FOCAD: variants seen among roughly 807,000 people sequenced by gnomAD.
FOCAD encodes the protein focadhesin.
A neutral mutation model predicts 225.6 loss-of-function variants in FOCAD; 198 were observed. The observed-to-expected ratio is 0.88, with a 90% CI of 0.78 to 0.99. The LOEUF (loss-of-function observed/expected upper bound fraction) is 0.99, where lower values mean the gene tolerates loss of function less well. Among genes scored for constraint, FOCAD ranks in the 50% least tolerant of loss-of-function variants. FOCAD has a pLI of 0.00. For synonymous variants in FOCAD, 897 were observed against 755.0 expected (o/e 1.19, Z -3.08); for missense variants, 2,713 against 2,123.6 (o/e 1.28, Z -5.46).
intron 11 of FOCAD, among the ~76,000 whole-genome samples, chr9:20,800,932 T>C (rs1263540984): frequency 2.0e-5 from 3 of 152,190 alleles, no homozygotes; most frequent in African/African-American, 7.2e-5. Flanking sequence ...CTCTGATTTT[T>C]AGAATTTTCA....
intron 4 of FOCAD, among the ~76,000 whole-genome samples, chr9:20,726,771 TTGA>T (rs1369319192): frequency 2.0e-5 from 3 of 152,212 alleles, no homozygotes; most frequent in African/African-American, 7.2e-5. Flanking sequence ...TTCTCTTTTA[TTGA>T]TGACCCTGTT....
In FOCAD at chr9:20,839,570, G is replaced by A. The variant is rs137868194; in HGVS notation, c.1920+16455G>A. On this transcript the variant is annotated intron_variant, in intron 15 of 43. Coordinates refer to ENST00000338382, the MANE Select transcript of FOCAD (RefSeq NM_001375567.1). The stretch of plus-strand genomic sequence containing the variant: ...GCCACTGCAACCAGCCTGAATTTCT[G>A]TATTCTTTATGGTTATGCTTAAGCA... Among the ~76,000 whole-genome samples, 4 of 151,860 alleles carry A rather than the reference G, an allele frequency of 2.6e-5. 1 individual carries two copies. The highest frequency in any genetic ancestry group is 1.9e-4 in the East Asian group (1 of 5,152).
upstream of FOCAD, chr9:20,683,223 G>T (rs1370329644): frequency 6.6e-6 from 1 of 152,180 alleles, no homozygotes; most frequent in Non-Finnish European, 1.5e-5. Flanking sequence ...ACATTAAAAT[G>T]ACTTTGGAAA....
chr9:20,710,548 A>G (rs574452165), intron 1 of FOCAD, among the ~76,000 whole-genome samples: 2 of 152,074 alleles, frequency 1.3e-5, no homozygotes, highest in Non-Finnish European at 2.9e-5. Flanking sequence ...GTGAGCTGGT[A>G]TCACGCCATT....
At chr9:20,919,947 C>T (rs1374033085) in intron 24 of FOCAD, among the ~76,000 whole-genome samples, 3 of 151,660 alleles carry the variant, frequency 2.0e-5, no homozygotes, top group African/African-American at 7.3e-5. Context: ...GCAACAAAAG[C>T]CAAAATTGAC....
intron 11 of FOCAD, among the ~76,000 whole-genome samples, chr9:20,811,728 A>G (rs1823098628): frequency 6.6e-6 from 1 of 152,032 alleles, no homozygotes; most frequent in Non-Finnish European, 1.5e-5. Context: ...ACTTCTTTCC[A>G]ATGGACTATT....
At chr9:20,698,466 C>G (rs140342534) in intron 1 of FOCAD, among the ~76,000 whole-genome samples, 1,715 of 152,186 alleles carry the variant, frequency 0.011, 38 homozygotes, top group African/African-American at 0.039. Context: ...GTGCTGCAAT[C>G]TTTGGCTCAC....
At chr9:20,804,457 G>A (rs934809410) in intron 11 of FOCAD, among the ~76,000 whole-genome samples, 25 of 151,898 alleles carry the variant, frequency 1.6e-4, no homozygotes, top group African/African-American at 5.8e-4. Context: ...GGAAAGTCCT[G>A]GAATCATTTT....
intron 5 of FOCAD, among the ~76,000 whole-genome samples, chr9:20,744,796 G>T (rs1827914299): frequency 2.0e-5 from 3 of 152,108 alleles, no homozygotes; most frequent in Admixed American, 2.0e-4. Flanking sequence ...TATAAATAAA[G>T]TTTTTATGTG....
At chr9:20,913,706 C>T (rs1259460359) in intron 23 of FOCAD, among the ~76,000 whole-genome samples, 2 of 152,074 alleles carry the variant, frequency 1.3e-5, no homozygotes, top group Non-Finnish European at 2.9e-5. Flanking sequence ...TATTCTAAGT[C>T]ATATTTTCTA....
intron 18 of FOCAD, among the ~76,000 whole-genome samples, chr9:20,868,621 A>G (rs1829491485): frequency 6.6e-6 from 1 of 152,052 alleles, no homozygotes; most frequent in Non-Finnish European, 1.5e-5. Context: ...GGGGTTTTCT[A>G]TATATGTTTG....
At chr9:20,661,314 A>G (rs1260916044) in intron 2 of FOCAD, among the ~76,000 whole-genome samples, 1 of 152,232 alleles carries the variant, frequency 6.6e-6, no homozygotes, top group Non-Finnish European at 1.5e-5. Flanking sequence ...AGCACCACTT[A>G]AAGATGTATG....
chr9:20,883,563 T>C (rs1830856499), intron 20 of FOCAD, among the ~76,000 whole-genome samples: 1 of 152,144 alleles, frequency 6.6e-6, no homozygotes, highest in African/African-American at 2.4e-5. Flanking sequence ...CTGATGACAA[T>C]GGGATTAAGC....
At chr9:20,993,646 C>A (rs959197585) in intron 43 of FOCAD, among the ~76,000 whole-genome samples, 1 of 151,986 alleles carries the variant, frequency 6.6e-6, no homozygotes, top group Non-Finnish European at 1.5e-5. Flanking sequence ...GTGTTAAGTA[C>A]TTATGTGTGG....
At chr9:20,901,108 T>A (rs1274771748) in intron 21 of FOCAD, among the ~76,000 whole-genome samples, 1 of 151,858 alleles carries the variant, frequency 6.6e-6, no homozygotes, top group Non-Finnish European at 1.5e-5. Flanking sequence ...TTATTTCTTG[T>A]ATATAAACAA....
chr9:20,901,190 CAATGTGTGT>C (rs950544453), intron 21 of FOCAD, among the ~76,000 whole-genome samples: 3 of 103,420 alleles, frequency 2.9e-5, no homozygotes, highest in African/African-American at 1.2e-4. Flanking sequence ...AATGTGGAAA[CAATGTGTGT>C]GTGTGTGTGT....
chr9:20,859,714 T>TTA (rs1195405297), intron 15 of FOCAD, among the ~76,000 whole-genome samples: 58 of 146,636 alleles, frequency 4.0e-4, no homozygotes, highest in Middle Eastern at 3.6e-3. Flanking sequence ...AATATATATA[T>TTA]TATATATATA....
intron 28 of FOCAD, among the ~76,000 whole-genome samples, chr9:20,935,361 C>T (rs1198431350): frequency 6.6e-6 from 1 of 152,068 alleles, no homozygotes; most frequent in African/African-American, 2.4e-5. Context: ...TGTATGGGGA[C>T]ATGGATGCAT....
intron 2 of FOCAD, among the ~76,000 whole-genome samples, chr9:20,671,576 ATT>A (rs1177940402): frequency 6.6e-6 from 1 of 151,664 alleles, no homozygotes; most frequent in African/African-American, 2.4e-5. Flanking sequence ...GGGAGGCATC[ATT>A]CTCTCACAAG....
Sources: gnomAD v4.1 joint callset for allele counts (sites outside exome capture counted in the v4.1 genomes callset) on GRCh38, gnomAD v4.1.1 for gene constraint, MANE v1.5 for transcripts, NCBI Gene and HGNC (gene_info 2026-07-23, HGNC 2026-07-21) for gene names.